The following GPR149 variants were observed in gnomAD, a reference collection of about 807,000 sequenced individuals.
The protein encoded by GPR149 is G protein-coupled receptor 149.
In GPR149, 50 loss-of-function variants were observed where a neutral mutation model predicts 50.2. The observed-to-expected ratio is 1.00, with a 90% CI of 0.79 to 1.26. The LOEUF is 1.26. Ranked by LOEUF, GPR149 falls within the 50% of genes most tolerant of loss-of-function variation. GPR149 has a pLI of 0.00. For missense variants in GPR149, 983 were observed against 895.4 expected (o/e 1.10, Z -1.25); for synonymous variants, 405 against 358.2 (o/e 1.13, Z -1.48).
chr3:154,339,645 G>C (rs763874287), intron 3 of GPR149, among the ~76,000 whole-genome samples: 1 of 152,106 alleles, frequency 6.6e-6, no homozygotes, highest in Non-Finnish European at 1.5e-5. Flanking sequence ...CTTGCTATGG[G>C]CATTTTCAAT....
chr3:154,356,402 C>G (rs1055837005), intron 3 of GPR149, among the ~76,000 whole-genome samples: 2 of 152,158 alleles, frequency 1.3e-5, no homozygotes, highest in African/African-American at 4.8e-5. Context: ...TCCCTGTTTG[C>G]AGATGACATG....
intron 3 of GPR149, among the ~76,000 whole-genome samples, chr3:154,404,418 C>T (rs188519040): frequency 6.6e-6 from 1 of 152,276 alleles, no homozygotes; most frequent in Non-Finnish European, 1.5e-5. Flanking sequence ...TATAAGTTCT[C>T]TGTTATATAT....
At chr3:154,347,483 T>C (rs116205679) in intron 3 of GPR149, among the ~76,000 whole-genome samples, 2,300 of 152,264 alleles carry the variant, frequency 0.015, 53 homozygotes, top group African/African-American at 0.053. Context: ...TTCAATTACC[T>C]CACACCGGGT....
In GPR149 at chr3:154,421,200, T is replaced by C; in HGVS notation, c.1462A>G (p.Lys488Glu). Residue 488 changes from lysine (K) to glutamate (E), a missense_variant, in exon 3 of 4, where the codon AAA becomes GAA. By Grantham distance (56) the Lys-to-Glu change is moderately conservative. Transcript: ENST00000389740. ...GTTTTGTCAGAAAACGCATCCTTTT[T>C]GTTGTTGGAATCCTGTTTAGCTTCT... Reference protein sequence around the residue: ...ITEAKQDSNNKKDAFSDKTGG... With the variant: ...ITEAKQDSNNEKDAFSDKTGG... 1 of 1,613,578 alleles carries C rather than the reference T, an allele frequency of 6.2e-7. No homozygotes were observed. The highest frequency in any genetic ancestry group is 8.5e-7 in the Non-Finnish European group (1 of 1,179,640).
At position 154,337,625 on chromosome 3, in the gene GPR149, G is replaced by T; in HGVS notation, c.*74C>A. 2 of 1,131,326 alleles carry T rather than the reference G, an allele frequency of 1.8e-6. No individual in the cohort carries two copies. Among genetic ancestry groups the T allele is most frequent in the Non-Finnish European group, 1.2e-6 (1 of 800,816 alleles). The allele number at this position is 1,131,326 out of a possible 1,614,324, so 70.1% of individuals were successfully genotyped here. ...TAAGCCAACAAATAAAAGGAAATCA[G>T]TCTCATAACAAAGGTGTTAGTTTCA... On this transcript the variant is annotated 3_prime_UTR_variant, in exon 4 of 4. Transcript: ENST00000389740.
rs370637812 is a variant in GPR149, at chr3:154,337,810, T to A, written c.2085A>T (p.Ala695=). 1 of 1,614,032 alleles carries A rather than the reference T, an allele frequency of 6.2e-7. No homozygotes were observed. Among genetic ancestry groups the A allele is most frequent in the African/African-American group, 1.3e-5 (1 of 74,934 alleles). Residue 695 remains alanine (A), a synonymous_variant, in exon 4 of 4, where the codon GCA becomes GCT. Transcript: ENST00000389740. Reference sequence around the variant, plus strand: ...GCTGCCTTTTACTGTTCTGCCTGTGTGCTTCTACTGTGTCTGGAATGGAGA... The same window carrying A: ...GCTGCCTTTTACTGTTCTGCCTGTGAGCTTCTACTGTGTCTGGAATGGAGA... The part of the protein sequence containing the change: ...INISIPDTVE[A]HRQNSKRQHQ...
rs547543380 is a variant in GPR149 at position 154,336,551 on chromosome 3, C to T, written c.*1148G>A. On this transcript the variant is annotated 3_prime_UTR_variant, in exon 4 of 4. Coordinates refer to ENST00000389740, the MANE Select transcript of GPR149 (RefSeq NM_001038705.3). ...TCACTTTATAATTTTTGAAATACAT[C>T]TTACTATTATTCTGCCAAGGTGATT... 2.6e-5 allele frequency: 4 copies of T among 152,132 alleles called. No individual in the cohort carries two copies. In the South Asian group the frequency reaches 8.3e-4, roughly 32 times the overall value. 9.4% of individuals were successfully genotyped at this position (152,132 alleles called of 1,614,324 possible). A position where few individuals can be genotyped will look rare whatever the true frequency, so the allele number is the denominator to read the frequency against.
chr3:154,407,229 G>T (rs1214955765), intron 3 of GPR149, among the ~76,000 whole-genome samples: 1 of 151,994 alleles, frequency 6.6e-6, no homozygotes, highest in African/African-American at 2.4e-5. Context: ...TTGAAAACCT[G>T]ATCATGCTTC....
intron 3 of GPR149, among the ~76,000 whole-genome samples, chr3:154,400,270 G>A (rs1711522016): frequency 6.6e-6 from 1 of 152,158 alleles, no homozygotes; most frequent in Non-Finnish European, 1.5e-5. Flanking sequence ...ACAGGGGTGA[G>A]CCACCGCGCC....
chr3:154,421,220 GC>G lies in GPR149; in HGVS notation c.1441del (p.Ala481LeufsTer95). The G allele has an allele frequency of 6.2e-7, 1 of 1,613,492 alleles. No homozygotes were observed. On this transcript the variant is annotated frameshift_variant, in exon 3 of 4. Coordinates refer to ENST00000389740, the MANE Select transcript of GPR149 (RefSeq NM_001038705.3). LOFTEE classifies it high-confidence loss of function. ...CTTTTTGTTGTTGGAATCCTGTTTA[GC>G]TTCTGTAATATCAGTATTTGTGCAT... is the stretch of plus-strand genomic sequence containing the variant. ...NKCTNTDITE[A>X]KQDSNNKKDA... is the part of the protein sequence containing the mutation.
intron 3 of GPR149, among the ~76,000 whole-genome samples, chr3:154,355,025 C>T (rs895443105): frequency 6.6e-6 from 1 of 151,992 alleles, no homozygotes; most frequent in Non-Finnish European, 1.5e-5. Flanking sequence ...ACTTAAGTTA[C>T]TATATTTATT....
At chr3:154,387,648 G>A (rs1437664767) in intron 3 of GPR149, among the ~76,000 whole-genome samples, 1 of 152,086 alleles carries the variant, frequency 6.6e-6, no homozygotes, top group Non-Finnish European at 1.5e-5. Context: ...TCTTAATTAA[G>A]CTTCAAAAAT....
chr3:154,364,720 G>A (rs913100217), intron 3 of GPR149, among the ~76,000 whole-genome samples: 1 of 152,194 alleles, frequency 6.6e-6, no homozygotes, highest in Non-Finnish European at 1.5e-5. Context: ...CCTGTCTTAC[G>A]GACTTACTGA....
At position 154,429,237 on chromosome 3, in the gene GPR149, C is replaced by CT; in HGVS notation, c.378dup (p.Val127SerfsTer160). 1.9e-6 allele frequency: 3 copies of CT among 1,614,158 alleles called. No homozygotes were observed. Among genetic ancestry groups the CT allele is most frequent in the Non-Finnish European group, 1.7e-6 (2 of 1,180,026 alleles). ...TGCATCGTATAAAAGTTGTAAGAGA[C>CT]TAGGAGAGTCGCCTTCAAGTTGCTA... On this transcript the variant is annotated frameshift_variant, in exon 1 of 4. Coordinates refer to ENST00000389740, the MANE Select transcript of GPR149 (RefSeq NM_001038705.3). LOFTEE classifies it high-confidence loss of function.
At chr3:154,347,615 G>A (rs1441252731) in intron 3 of GPR149, among the ~76,000 whole-genome samples, 1 of 152,162 alleles carries the variant, frequency 6.6e-6, no homozygotes, top group Non-Finnish European at 1.5e-5. Flanking sequence ...ATAATCACAC[G>A]GGTGGTAAAA....
At chr3:154,341,043 G>T (rs993613818) in intron 3 of GPR149, among the ~76,000 whole-genome samples, 1 of 151,806 alleles carries the variant, frequency 6.6e-6, no homozygotes, top group African/African-American at 2.4e-5. Flanking sequence ...TTAAAACCTT[G>T]CTTTCTGAGT....
At chr3:154,417,732 C>T (rs1041592958) in intron 3 of GPR149, among the ~76,000 whole-genome samples, 6 of 151,930 alleles carry the variant, frequency 3.9e-5, no homozygotes, top group East Asian at 3.9e-4. Flanking sequence ...GAGCAAAAAA[C>T]GGCACTGGGA....
chr3:154,356,912 C>T (rs1423018296), intron 3 of GPR149, among the ~76,000 whole-genome samples: 10 of 152,180 alleles, frequency 6.6e-5, no homozygotes, highest in African/African-American at 1.9e-4. Flanking sequence ...GGAGGCATCA[C>T]ACTACCTGAC....
chr3:154,391,125 A>G (rs1715159632), intron 3 of GPR149, among the ~76,000 whole-genome samples: 1 of 152,120 alleles, frequency 6.6e-6, no homozygotes, highest in Non-Finnish European at 1.5e-5. Context: ...ATATGAAAGT[A>G]TAAAACTTGC....
Sources: allele counts gnomAD v4.1 joint callset (sites outside exome capture counted in the v4.1 genomes callset), GRCh38; gene constraint gnomAD v4.1.1; transcripts MANE v1.5; gene names NCBI Gene and HGNC (gene_info 2026-07-23, HGNC 2026-07-21).